The following LRRTM3 variants were observed in gnomAD, a reference collection of about 807,000 sequenced individuals.
LRRTM3 encodes the protein leucine-rich repeat transmembrane neuronal protein 3.
Under a neutral mutation model 44.7 loss-of-function variants are expected in LRRTM3, and 24 were observed. The ratio of observed to expected loss-of-function variants is 0.54; its 90% CI spans 0.39 to 0.76. LRRTM3 has a LOEUF of 0.76. Among genes scored for constraint, LRRTM3 ranks in the 30% least tolerant of loss-of-function variants. The pLI, the probability that LRRTM3 is intolerant of heterozygous loss-of-function variation, is 0.00. For synonymous variants in LRRTM3, 277 were observed against 278.7 expected (o/e 0.99, Z 0.06); for missense variants, 587 against 702.2 (o/e 0.84, Z 1.85).
intron 2 of LRRTM3, among the ~76,000 whole-genome samples, chr10:67,002,970 C>T (rs1482072033): frequency 6.6e-6 from 1 of 152,094 alleles, no homozygotes; most frequent in Non-Finnish European, 1.5e-5. Flanking sequence ...CTTGTGGCTG[C>T]CGAATAAAAT....
At chr10:67,071,837 A>G (rs1856484959) in intron 2 of LRRTM3, among the ~76,000 whole-genome samples, 1 of 152,158 alleles carries the variant, frequency 6.6e-6, no homozygotes, top group Admixed American at 6.5e-5. Context: ...TTTTCAGTTC[A>G]CTAAACTTGT....
chr10:66,943,197 C>A (rs371127378), intron 2 of LRRTM3, among the ~76,000 whole-genome samples: 1 of 151,988 alleles, frequency 6.6e-6, no homozygotes, highest in Admixed American at 6.6e-5. Context: ...AGAGCAGAGA[C>A]GAGAAAAGCT....
chr10:67,070,844 C>T (rs1856410987), intron 2 of LRRTM3, among the ~76,000 whole-genome samples: 1 of 152,024 alleles, frequency 6.6e-6, no homozygotes, highest in African/African-American at 2.4e-5. Context: ...ACCTAGTTGC[C>T]CTGTTTACTA....
In LRRTM3 at chr10:66,926,152, C is replaced by T; in HGVS notation, c.-432C>T. 2.2e-6 allele frequency: 1 copy of T among 460,974 alleles called. No individual in the cohort carries two copies. The highest frequency in any genetic ancestry group is 4.3e-6 in the Non-Finnish European group (1 of 230,052). The allele number at this position is 460,974 out of a possible 1,614,324, so 28.6% of individuals were successfully genotyped here. A position where few individuals can be genotyped will look rare whatever the true frequency, so the allele number is the denominator to read the frequency against. ...CAGCTCTGTGGCTGAACTGGGTGCT[C>T]ATCACGGGAACTGCTGGGGTATGGA... is the stretch of plus-strand genomic sequence containing the variant. On this transcript the variant is annotated 5_prime_UTR_variant, in exon 1 of 3. Transcript: ENST00000361320.
chr10:67,085,218 G>A (rs1170764272), intron 2 of LRRTM3, among the ~76,000 whole-genome samples: 3 of 151,728 alleles, frequency 2.0e-5, no homozygotes, highest in African/African-American at 7.3e-5. Flanking sequence ...TTTGATCAAA[G>A]CCATAGTTGA....
chr10:67,094,417 G>T (rs1857842827), intron 2 of LRRTM3, among the ~76,000 whole-genome samples: 1 of 151,586 alleles, frequency 6.6e-6, no homozygotes, highest in African/African-American at 2.4e-5. Flanking sequence ...ATACATGATA[G>T]CAATTGTATT....
At chr10:66,971,260 T>A (rs1262318198) in intron 2 of LRRTM3, among the ~76,000 whole-genome samples, 1 of 152,012 alleles carries the variant, frequency 6.6e-6, no homozygotes, top group Non-Finnish European at 1.5e-5. Context: ...ACCCCGTCTC[T>A]ACTAAAAATA....
At chr10:66,998,759 G>A (rs1271799268) in intron 2 of LRRTM3, among the ~76,000 whole-genome samples, 2 of 152,082 alleles carry the variant, frequency 1.3e-5, no homozygotes, top group Non-Finnish European at 2.9e-5. Context: ...AACAATAATG[G>A]GAGATTTCAA....
intron 2 of LRRTM3, among the ~76,000 whole-genome samples, chr10:66,943,139 C>G (rs1306871279): frequency 6.6e-6 from 1 of 152,152 alleles, no homozygotes; most frequent in Non-Finnish European, 1.5e-5. Flanking sequence ...GATACATGTC[C>G]TTCACTGGAG....
intron 2 of LRRTM3, among the ~76,000 whole-genome samples, chr10:67,021,317 G>A (rs535268646): frequency 2.6e-4 from 39 of 152,124 alleles, no homozygotes; most frequent in South Asian, 2.1e-3. Flanking sequence ...AACAATAATT[G>A]TGAGGTTAAA....
At chr10:67,047,471 G>T (rs1172502144) in intron 2 of LRRTM3, among the ~76,000 whole-genome samples, 1 of 152,108 alleles carries the variant, frequency 6.6e-6, no homozygotes, top group African/African-American at 2.4e-5. Flanking sequence ...GAAAGTAAGA[G>T]TGTTACTGCA....
rs1554886319 is a variant in LRRTM3 at position 66,957,403 on chromosome 10, T to TATATGC, written c.1536+28955_1536+28956insGCATAT. Among the ~76,000 whole-genome samples the TATATGC allele has an allele frequency of 4.1e-3, 140 of 33,820 alleles. 7 individuals are homozygous for TATATGC. The highest frequency in any genetic ancestry group is 0.014 in the Middle Eastern group (1 of 70). The allele number at this position is 33,820 out of a possible 152,430, so 22.2% of individuals were successfully genotyped here. A position where few individuals can be genotyped will look rare whatever the true frequency, so the allele number is the denominator to read the frequency against. Reference sequence around the variant, plus strand: ...GTGTGTATATATATACATATATATATATATATATATGCATATATATATATG... The same window carrying TATATGC: ...GTGTGTATATATATACATATATATATATATGCATATATATATGCATATATATATATG... On this transcript the variant is annotated intron_variant, in intron 2 of 2. Coordinates refer to ENST00000361320, the MANE Select transcript of LRRTM3 (RefSeq NM_178011.5).
intron 2 of LRRTM3, among the ~76,000 whole-genome samples, chr10:66,930,718 A>C (rs6480240): frequency 6.6e-6 from 1 of 151,970 alleles, no homozygotes. Context: ...AGCTACTTGG[A>C]ATATAAAATA....
chr10:67,018,141 CA>C lies in LRRTM3; in HGVS notation c.1537-79445del, dbSNP rs1852776859. On this transcript the variant is annotated intron_variant, in intron 2 of 2. Coordinates refer to ENST00000361320, the MANE Select transcript of LRRTM3 (RefSeq NM_178011.5). Reference sequence around the variant, plus strand: ...TGTTAATTCACTTTTCAAGTGTTTACAGTAGGGCCAAGACTTTGTATTTTGG... The same window carrying C: ...TGTTAATTCACTTTTCAAGTGTTTACGTAGGGCCAAGACTTTGTATTTTGG... Among the ~76,000 whole-genome samples the C allele has an allele frequency of 2.6e-5, 4 of 152,224 alleles. No individual in the cohort carries two copies. The South Asian group carries it at 8.3e-4, about 32-fold the overall frequency.
intron 2 of LRRTM3, among the ~76,000 whole-genome samples, chr10:66,993,779 C>A (rs1157440626): frequency 1.3e-5 from 2 of 150,382 alleles, no homozygotes; most frequent in Non-Finnish European, 3.0e-5. Flanking sequence ...ATATTTATGA[C>A]CTTTGTTATT....
intron 2 of LRRTM3, among the ~76,000 whole-genome samples, chr10:67,012,504 G>A (rs1196258804): frequency 1.3e-5 from 2 of 152,048 alleles, no homozygotes; most frequent in East Asian, 3.9e-4. Flanking sequence ...GAAAACCTTT[G>A]TTATTCTGCA....
intron 2 of LRRTM3, among the ~76,000 whole-genome samples, chr10:66,954,551 C>T (rs1564791866): frequency 6.6e-6 from 1 of 152,072 alleles, no homozygotes; most frequent in Non-Finnish European, 1.5e-5. Flanking sequence ...ACTGGTCATG[C>T]CCCATGGATG....
chr10:67,061,209 G>A (rs1252736209), intron 2 of LRRTM3, among the ~76,000 whole-genome samples: 1 of 152,104 alleles, frequency 6.6e-6, no homozygotes, highest in East Asian at 1.9e-4. Context: ...TAACTACCAA[G>A]ACTCAGAGAA....
intron 2 of LRRTM3, among the ~76,000 whole-genome samples, chr10:67,067,750 C>T (rs900969257): frequency 2.6e-5 from 4 of 152,188 alleles, no homozygotes; most frequent in Non-Finnish European, 5.9e-5. Context: ...TTCATTTATG[C>T]AGTCATTCAT....
Sources: gnomAD v4.1 joint callset for allele counts (sites outside exome capture counted in the v4.1 genomes callset) on GRCh38, gnomAD v4.1.1 for gene constraint, MANE v1.5 for transcripts, NCBI Gene and HGNC (gene_info 2026-07-23, HGNC 2026-07-21) for gene names.